Variants in CASK observed in about 807,000 individuals in gnomAD.
CASK encodes the protein calcium/calmodulin dependent serine protein kinase.
In CASK, 4 loss-of-function variants were observed where a neutral mutation model predicts 82.9. That is an observed-to-expected ratio of 0.05 (90% confidence interval 0.02 to 0.11). CASK has a LOEUF of 0.11. CASK is among the 10% of genes least tolerant of loss of function. The probability of loss-of-function intolerance (pLI) is 1.00; values close to 1 mark genes in which losing one functional copy is unlikely to be tolerated. For synonymous variants in CASK, 259 were observed against 253.5 expected (o/e 1.02, Z -0.20); for missense variants, 358 against 720.9 (o/e 0.50, Z 5.76).
intron 9 of CASK, among the ~76,000 whole-genome samples, chrX:41,634,785 T>TA (rs1211935096): frequency 8.9e-6 from 1 of 112,693 alleles, no homozygotes. Context: ...CTTTGAATAA[T>TA]AAAAGAGTTT....
At chrX:41,730,691 C>T (rs1003689700) in intron 5 of CASK, among the ~76,000 whole-genome samples, 1 of 110,758 alleles carries the variant, frequency 9.0e-6, no homozygotes, top group Non-Finnish European at 1.9e-5. Context: ...GATTTCTCCA[C>T]AGTTACAAAA....
intron 5 of CASK, among the ~76,000 whole-genome samples, chrX:41,676,750 A>G (rs2067273050): frequency 8.9e-6 from 1 of 112,719 alleles, no homozygotes; most frequent in Non-Finnish European, 1.9e-5. Flanking sequence ...ACCAATTAAG[A>G]GGCTACTGCA....
At chrX:41,686,521 C>T (rs1314039166) in intron 5 of CASK, among the ~76,000 whole-genome samples, 3 of 110,428 alleles carry the variant, frequency 2.7e-5, no homozygotes, top group East Asian at 2.8e-4. Flanking sequence ...TACAGGCGTA[C>T]GCCACCATGC....
intron 2 of CASK, among the ~76,000 whole-genome samples, chrX:41,815,869 GT>G (rs1392119010): frequency 9.0e-6 from 1 of 110,801 alleles, no homozygotes; most frequent in Non-Finnish European, 1.9e-5. Context: ...TAAAAACAAA[GT>G]TTTTTTTTGA....
At chrX:41,604,578 G>A (rs1007044558) in intron 12 of CASK, among the ~76,000 whole-genome samples, 2 of 110,150 alleles carry the variant, frequency 1.8e-5, no homozygotes, top group Non-Finnish European at 3.8e-5. Context: ...CCAGCCTCCA[G>A]AACTATGAGA....
At chrX:41,883,731 A>AAT (rs2071993645) in intron 1 of CASK, among the ~76,000 whole-genome samples, 1 of 111,648 alleles carries the variant, frequency 9.0e-6, no homozygotes, top group Admixed American at 9.5e-5. Flanking sequence ...CCTCAACAGT[A>AAT]ATATGTTAGC....
At position 41,520,349 on chromosome X, in the gene CASK, A is replaced by C; in HGVS notation, c.*71T>G. ...TCTAGGGACCATGACCTGCTGACACAAGGCCGATAACAAAGAGGCTTTTCC... is the reference window on the plus strand; with the variant it reads ...TCTAGGGACCATGACCTGCTGACACCAGGCCGATAACAAAGAGGCTTTTCC... On this transcript the variant is annotated 3_prime_UTR_variant, in exon 27 of 27. Coordinates refer to ENST00000378163, the MANE Select transcript of CASK (RefSeq NM_001367721.1). 1.2e-6 allele frequency: 1 copy of C among 867,039 alleles called. No homozygotes were observed. Among genetic ancestry groups the C allele is most frequent in the Non-Finnish European group, 1.7e-6 (1 of 601,830 alleles). The allele number at this position is 867,039 out of a possible 1,213,427, so 71.5% of individuals were successfully genotyped here.
At chrX:41,768,575 T>A (rs2069156989) in intron 3 of CASK, among the ~76,000 whole-genome samples, 1 of 111,607 alleles carries the variant, frequency 9.0e-6, no homozygotes, top group Non-Finnish European at 1.9e-5. Flanking sequence ...AGAATTTTAA[T>A]GTTCTGCATG....
chrX:41,918,960 G>A (rs1005261973), intron 1 of CASK, among the ~76,000 whole-genome samples: 5 of 111,944 alleles, frequency 4.5e-5, no homozygotes, highest in South Asian at 3.7e-4. Context: ...AAAGCTCCCC[G>A]GATGATTCTA....
chrX:41,691,840 CAAA>C, intron 5 of CASK, among the ~76,000 whole-genome samples: 1 of 28,486 alleles, frequency 3.5e-5, no homozygotes, highest in East Asian at 1.4e-3. Flanking sequence ...GACTCTGTCT[CAAA>C]AAAAAAAAAA....
chrX:41,539,942 T>C (rs139353549), intron 22 of CASK, among the ~76,000 whole-genome samples: 3,520 of 111,689 alleles, frequency 0.032, 139 homozygotes, highest in African/African-American at 0.11. Context: ...GAGCTCACAG[T>C]GATTATTTTG....
At chrX:41,898,995 A>G (rs2072320460) in intron 1 of CASK, among the ~76,000 whole-genome samples, 1 of 111,725 alleles carries the variant, frequency 9.0e-6, no homozygotes, top group Non-Finnish European at 1.9e-5. Context: ...TTTTCTGTGC[A>G]TTGTTGAAAG....
At chrX:41,603,697 C>T (rs2065923168) in intron 12 of CASK, among the ~76,000 whole-genome samples, 1 of 111,688 alleles carries the variant, frequency 9.0e-6, no homozygotes. Context: ...AGACTTCTTA[C>T]AAAAATAATC....
At chrX:41,570,507 T>C (rs2147182001) in intron 15 of CASK, among the ~76,000 whole-genome samples, 1 of 111,565 alleles carries the variant, frequency 9.0e-6, no homozygotes, top group African/African-American at 3.3e-5. Flanking sequence ...TATCTATCAT[T>C]CCCAAAAGTT....
At chrX:41,897,578 G>A (rs2072291347) in intron 1 of CASK, among the ~76,000 whole-genome samples, 1 of 111,503 alleles carries the variant, frequency 9.0e-6, no homozygotes, top group South Asian at 3.7e-4. Context: ...GTAAAGTCAT[G>A]TAGTTGATGA....
At chrX:41,687,965 CAAAAAA>C (rs76783862) in intron 5 of CASK, among the ~76,000 whole-genome samples, 2 of 24,582 alleles carry the variant, frequency 8.1e-5, no homozygotes, top group East Asian at 1.4e-3. Context: ...AACTCCGTCT[CAAAAAA>C]AAAAAAAAAA....
At chrX:41,712,165 C>T (rs2067988056) in intron 5 of CASK, among the ~76,000 whole-genome samples, 1 of 112,295 alleles carries the variant, frequency 8.9e-6, no homozygotes, top group African/African-American at 3.2e-5. Context: ...CCTGGGTGGC[C>T]ATGTGGTTTC....
chrX:41,696,294 T>G (rs2067688029), intron 5 of CASK: 1 of 1,186,102 alleles, frequency 8.4e-7, no homozygotes, highest in African/African-American at 1.8e-5. Context: ...CATTTTTAAC[T>G]TCATTCTTGT....
Position 41,661,438 on chromosome X carries a change from C to T in CASK, c.709-877G>A, listed in dbSNP as rs1469611855. ...CAGTGCCAGGACCTTCAAGCAAAGCCATGGCTTTAACAGGCAGAGACCTAC... is the reference window on the plus strand; with the variant it reads ...CAGTGCCAGGACCTTCAAGCAAAGCTATGGCTTTAACAGGCAGAGACCTAC... On this transcript the variant is annotated intron_variant, in intron 7 of 26. Transcript: ENST00000378163. Among the ~76,000 whole-genome samples the T allele has an allele frequency of 4.5e-5, 5 of 111,159 alleles. No homozygotes were observed. The Admixed American group carries it at 4.8e-4, about 11-fold the overall frequency.
Sources: allele counts gnomAD v4.1 joint callset (sites outside exome capture counted in the v4.1 genomes callset), GRCh38; gene constraint gnomAD v4.1.1; transcripts MANE v1.5; gene names NCBI Gene and HGNC (gene_info 2026-07-23, HGNC 2026-07-21).